DLGAP2: variants seen among roughly 807,000 people sequenced by gnomAD.
The protein encoded by DLGAP2 is DLG associated protein 2.
DLGAP2 carries 26 observed loss-of-function variants against 100.3 expected under a neutral mutation model. That is an observed-to-expected ratio of 0.26 (90% confidence interval 0.19 to 0.36). DLGAP2 has a LOEUF of 0.36. Among genes scored for constraint, DLGAP2 ranks in the 10% least tolerant of loss-of-function variants. The pLI is 1.00. For missense variants in DLGAP2, 1,858 were observed against 1,453.2 expected (o/e 1.28, Z -4.53); for synonymous variants, 886 against 630.1 (o/e 1.41, Z -6.08).
chr8:1,110,313 G>T (rs1380538502), intron 2 of DLGAP2, among the ~76,000 whole-genome samples: 1 of 147,904 alleles, frequency 6.8e-6, no homozygotes, highest in South Asian at 2.2e-4. Flanking sequence ...ACATGTGCTG[G>T]GTCTGTGAGG....
chr8:1,432,492 G>C (rs1223187962), intron 3 of DLGAP2, among the ~76,000 whole-genome samples: 2 of 152,202 alleles, frequency 1.3e-5, no homozygotes, highest in African/African-American at 4.8e-5. Context: ...ATATTGTCTT[G>C]AAATTGCCAC....
At position 1,614,859 on chromosome 8, in the gene DLGAP2, A is replaced by C. The variant is rs565784028; in HGVS notation, c.1443-11881A>C. 9.2e-3 allele frequency among the ~76,000 whole-genome samples: 1,401 copies of C among 152,300 alleles called. 24 individuals are homozygous for C. Among genetic ancestry groups the C allele is most frequent in the African/African-American group, 0.032 (1,329 of 41,576 alleles). ...GCATTGCACGTGCACACACGTGCAC[A>C]CGCACACACACACACGCATGCCCTC... is the stretch of plus-strand genomic sequence containing the variant. On this transcript the variant is annotated intron_variant, in intron 6 of 14. Transcript: ENST00000637795.
intron 2 of DLGAP2, among the ~76,000 whole-genome samples, chr8:964,599 G>C (rs1799802162): frequency 6.6e-6 from 1 of 152,266 alleles, no homozygotes; most frequent in Admixed American, 6.5e-5. Flanking sequence ...AAGCCAGAGA[G>C]CGTGGCAAGT....
intron 2 of DLGAP2, among the ~76,000 whole-genome samples, chr8:971,187 G>A (rs1800005728): frequency 6.6e-6 from 1 of 152,188 alleles, no homozygotes; most frequent in South Asian, 2.1e-4. Context: ...ATGGGAGAAA[G>A]TATTTTCATA....
At chr8:1,361,257 G>A (rs568896348) in intron 3 of DLGAP2, among the ~76,000 whole-genome samples, 4 of 152,170 alleles carry the variant, frequency 2.6e-5, no homozygotes, top group African/African-American at 9.7e-5. Flanking sequence ...GGACAGCAGA[G>A]ATCCTGCTTC....
At chr8:813,556 A>T (rs1179326558) in intron 1 of DLGAP2, among the ~76,000 whole-genome samples, 1 of 152,178 alleles carries the variant, frequency 6.6e-6, no homozygotes, top group East Asian at 1.9e-4. Flanking sequence ...TTATTTTCAA[A>T]ACTGAGGAAT....
intron 4 of DLGAP2, among the ~76,000 whole-genome samples, chr8:1,514,633 C>T (rs1800295937): frequency 6.6e-6 from 1 of 152,240 alleles, no homozygotes; most frequent in Non-Finnish European, 1.5e-5. Flanking sequence ...TCACCTATGT[C>T]ACTCATCCCT....
chr8:1,572,982 TGAAC>T (rs1802799418), intron 6 of DLGAP2, among the ~76,000 whole-genome samples: 1 of 94,406 alleles, frequency 1.1e-5, no homozygotes, highest in African/African-American at 4.3e-5. Context: ...GGAGAGAGGG[TGAAC>T]TGGAGGGGCG....
chr8:836,964 C>T (rs1320618317), intron 1 of DLGAP2, among the ~76,000 whole-genome samples: 3 of 152,226 alleles, frequency 2.0e-5, no homozygotes, highest in Non-Finnish European at 1.5e-5. Flanking sequence ...CCCTAACATT[C>T]TGTGGTAGGA....
chr8:1,512,615 T>C (rs4876079), intron 4 of DLGAP2, among the ~76,000 whole-genome samples: 98,915 of 151,932 alleles, frequency 0.65, 32,683 homozygotes, highest in South Asian at 0.81. Context: ...TGAGGCTGTC[T>C]GTTAAAAGCA....
Position 907,281 on chromosome 8 carries a change from C to T in DLGAP2, c.19-631C>T, listed in dbSNP as rs1345182454. ...GTTTAGAAAAATAATCACACATTTCCCACAGACATCTCTTCAGCTGCACGT... is the reference window on the plus strand; with the variant it reads ...GTTTAGAAAAATAATCACACATTTCTCACAGACATCTCTTCAGCTGCACGT... On this transcript the variant is annotated intron_variant, in intron 1 of 14. Transcript: ENST00000637795. 2.0e-5 allele frequency among the ~76,000 whole-genome samples: 3 copies of T among 152,192 alleles called. No individual in the cohort carries two copies. In the East Asian group the frequency reaches 5.8e-4, roughly 29 times the overall value.
chr8:756,920 C>A (rs1485005079), intron 1 of DLGAP2, among the ~76,000 whole-genome samples: 2 of 152,166 alleles, frequency 1.3e-5, no homozygotes, highest in Admixed American at 6.6e-5. Context: ...TTTTGGCAGA[C>A]CCAGATTTCC....
rs370286822 is a variant in DLGAP2 at position 998,091 on chromosome 8, C to A, written c.73+90125C>A. Among the ~76,000 whole-genome samples, 155 of 152,210 alleles carry A rather than the reference C, an allele frequency of 1.0e-3. 1 individual carries two copies. The highest frequency in any genetic ancestry group is 3.7e-3 in the African/African-American group (152 of 41,530). On this transcript the variant is annotated intron_variant, in intron 2 of 14. Coordinates refer to ENST00000637795, the MANE Select transcript of DLGAP2 (RefSeq NM_001346810.2). ...CACATGCATGTGCACACACCCGTGT[C>A]TGCACAGAAACATACACACGTGTAT...
chr8:1,689,268 C>T (rs1471723434), intron 12 of DLGAP2, among the ~76,000 whole-genome samples: 1 of 152,292 alleles, frequency 6.6e-6, no homozygotes, highest in Admixed American at 6.5e-5. Context: ...ACCCGGACCC[C>T]GTGAGTCAGG....
intron 2 of DLGAP2, among the ~76,000 whole-genome samples, chr8:1,051,699 G>T (rs1053163432): frequency 1.3e-5 from 2 of 152,088 alleles, no homozygotes; most frequent in African/African-American, 4.8e-5. Context: ...ACTCACGGAA[G>T]CTGCTTCTTC....
chr8:920,046 C>T (rs1048213117), intron 2 of DLGAP2, among the ~76,000 whole-genome samples: 3 of 152,142 alleles, frequency 2.0e-5, no homozygotes, highest in Non-Finnish European at 2.9e-5. Context: ...AGAGAAAGCA[C>T]GCGGAGCATG....
intron 13 of DLGAP2, 59 bp downstream of exon 13, chr8:1,691,685 A>T (rs754513090): frequency 7.4e-7 from 1 of 1,351,536 alleles, no homozygotes; most frequent in East Asian, 2.3e-5. Flanking sequence ...GCATCATTCC[A>T]CAGATTCTCA....
rs67051285 is a variant in DLGAP2, at chr8:1,246,973, GA to G, written c.74-11876del. ...CAGGAACACCTTTGAGATTAGTGTG[GA>G]AGTGATGGTCCATGTTGGTGGCTGG... On this transcript the variant is annotated intron_variant, in intron 2 of 14. Transcript: ENST00000637795. 513 of 101,974 alleles carry G rather than the reference GA, an allele frequency of 5.0e-3. 69 individuals are homozygous for G. Among genetic ancestry groups the G allele is most frequent in the African/African-American group, 0.018 (370 of 20,540 alleles). The allele number at this position is 101,974 out of a possible 1,614,324, so 6.3% of individuals were successfully genotyped here.
intron 2 of DLGAP2, among the ~76,000 whole-genome samples, chr8:1,066,087 G>A (rs1803237940): frequency 1.3e-5 from 2 of 152,106 alleles, no homozygotes. Flanking sequence ...TCCCCACAAC[G>A]GTCAGGTCTG....
Sources: gnomAD v4.1 joint callset for allele counts (sites outside exome capture counted in the v4.1 genomes callset) on GRCh38, gnomAD v4.1.1 for gene constraint, MANE v1.5 for transcripts, NCBI Gene and HGNC (gene_info 2026-07-23, HGNC 2026-07-21) for gene names.